SNAPC2: variants seen among roughly 807,000 people sequenced by gnomAD.
The protein encoded by SNAPC2 is small nuclear RNA activating complex polypeptide 2.
In SNAPC2, 27 loss-of-function variants were observed where a neutral mutation model predicts 22.9. The ratio of observed to expected loss-of-function variants is 1.18; its 90% CI spans 0.87 to 1.63. SNAPC2 has a LOEUF of 1.63. SNAPC2 is among the 40% of genes most tolerant of loss of function. The pLI is 0.00. For missense variants in SNAPC2, 570 were observed against 449.1 expected (o/e 1.27, Z -2.43); for synonymous variants, 272 against 201.0 (o/e 1.35, Z -2.99).
Position 7,922,890 on chromosome 19 carries a change from G to A in SNAPC2, c.*126G>A. The A allele has an allele frequency of 1.3e-6, 1 of 767,684 alleles. No homozygotes were observed. The highest frequency in any genetic ancestry group is 2.6e-5 in the East Asian group (1 of 37,882). The allele number at this position is 767,684 out of a possible 1,614,324, so 47.6% of individuals were successfully genotyped here. A position where few individuals can be genotyped will look rare whatever the true frequency, so the allele number is the denominator to read the frequency against. ...GTCCTTGAGATGATGCTCAGCTGTG[G>A]GGCGGGCCTCTAAGATGCCCCATAC... is the stretch of plus-strand genomic sequence containing the variant. On this transcript the variant is annotated 3_prime_UTR_variant, in exon 5 of 5. Coordinates refer to ENST00000221573, the MANE Select transcript of SNAPC2 (RefSeq NM_003083.4).
intron 1 of SNAPC2, 59 bp from the exon 2 acceptor site, chr19:7,921,364 T>C (rs1983563783): frequency 2.5e-6 from 4 of 1,612,276 alleles, no homozygotes; most frequent in Non-Finnish European, 3.4e-6. Flanking sequence ...GGGCTTTGGC[T>C]TCTCTGCTGC....
Position 7,921,747 on chromosome 19 carries a change from G to T in SNAPC2, c.346G>T (p.Glu116Ter). ...LAEKITGPLE[E>*]ALAVAFSQVL... The stretch of plus-strand genomic sequence containing the variant: ...TGAGAAGATAACAGGGCCACTGGAA[G>T]AAGCCCTGGCAGTGGCTTTCTCGCA... The change falls in exon 3 of 5, where the codon GAA (glutamate) becomes TAA (stop). Residue 116 changes from glutamate (E) to a stop codon, truncating the protein, a stop_gained. Coordinates refer to ENST00000221573, the MANE Select transcript of SNAPC2 (RefSeq NM_003083.4). LOFTEE classifies it high-confidence loss of function. 6.2e-7 allele frequency: 1 copy of T among 1,613,630 alleles called. No homozygotes were observed. The highest frequency in any genetic ancestry group is 1.1e-5 in the South Asian group (1 of 90,960).
At chr19:7,921,914 C>A in intron 3 of SNAPC2, 121 bp from the exon 4 acceptor site, 2 of 1,381,540 alleles carry the variant, frequency 1.4e-6, no homozygotes, top group Non-Finnish European at 1.0e-6. Flanking sequence ...CTCAGTGTCC[C>A]TGGCTCTGAG....
At chr19:7,920,698 A>T in intron 1 of SNAPC2, 149 bp downstream of exon 1, 50 of 102,722 alleles carry the variant, frequency 4.9e-4, no homozygotes, top group East Asian at 1.1e-3. Flanking sequence ...GCGGGGCGTT[A>T]GTGGGTGAGC....
At chr19:7,921,862 T>G (rs1436407450) in intron 3 of SNAPC2, 89 bp downstream of exon 3, 21 of 1,468,940 alleles carry the variant, frequency 1.4e-5, no homozygotes, top group South Asian at 1.4e-4. Context: ...TGGGCCCTTT[T>G]GCCAGCTCTG....
rs781346651 is a variant in SNAPC2, at chr19:7,922,089, A to G, written c.427A>G (p.Lys143Glu). 10 of 1,613,662 alleles carry G rather than the reference A, an allele frequency of 6.2e-6. No homozygotes were observed. In the South Asian group the frequency reaches 9.9e-5, roughly 16 times the overall value. ...CACCCTCCTGCACTCCAAGCCCCCC[A>G]AGCCCACGCAGGCCCGTGGAAAGCC... The part of the protein sequence containing the change: ...PVTLLHSKPP[K>E]PTQARGKPLL... Residue 143 changes from lysine to glutamate, a missense_variant, in exon 4 of 5, where the codon AAG becomes GAG. By Grantham distance (56) the Lys-to-Glu change is moderately conservative. Coordinates refer to ENST00000221573, the MANE Select transcript of SNAPC2 (RefSeq NM_003083.4).
intron 3 of SNAPC2, 79 bp downstream of exon 3, chr19:7,921,852 T>C: frequency 2.0e-6 from 3 of 1,500,692 alleles, no homozygotes; most frequent in Non-Finnish European, 2.8e-6. Flanking sequence ...ACCTGGGTCC[T>C]GGGCCCTTTT....
rs1353231054 is a variant in SNAPC2 at position 7,922,525 on chromosome 19, A to G, written c.766A>G (p.Met256Val). 6.2e-6 allele frequency: 10 copies of G among 1,612,088 alleles called. No individual in the cohort carries two copies. The South Asian group carries it at 6.6e-5, about 11-fold the overall frequency. The change falls in exon 5 of 5, where the codon ATG becomes GTG. Residue 256 changes from methionine to valine, a missense_variant. Physicochemically the swap from Met to Val is conservative, Grantham distance 21. Transcript: ENST00000221573. Reference protein sequence around the residue: ...LLPCTALVEHMTETYLRLTAP... With the variant: ...LLPCTALVEHVTETYLRLTAP... ...GCCCTGCACAGCCCTGGTTGAGCAT[A>G]TGACGGAGACGTACCTACGCCTGAC...
In SNAPC2 at chr19:7,922,699, T is replaced by G. The variant is rs199925610; in HGVS notation, c.940T>G (p.Cys314Gly). ...LKSPWQAAGI[C>G]PLNPFLVPLE... ...ATCGCCTTGGCAAGCAGCTGGGATC[T>G]GTCCCCTGAACCCGTTCCTGGTGCC... The change falls in exon 5 of 5, where the codon TGT becomes GGT. Residue 314 changes from cysteine (C) to glycine (G), a missense_variant. Physicochemically the swap from Cys to Gly is radical, Grantham distance 159. Coordinates refer to ENST00000221573, the MANE Select transcript of SNAPC2 (RefSeq NM_003083.4). 7 of 1,612,524 alleles carry G rather than the reference T, an allele frequency of 4.3e-6. No homozygotes were observed. The highest frequency in any genetic ancestry group is 5.9e-6 in the Non-Finnish European group (7 of 1,179,476).
Position 7,922,203 on chromosome 19 carries a change from A to G in SNAPC2, c.541A>G (p.Thr181Ala), listed in dbSNP as rs1448353005. 9 of 1,613,682 alleles carry G rather than the reference A, an allele frequency of 5.6e-6. No individual in the cohort carries two copies. The highest frequency in any genetic ancestry group is 7.6e-6 in the Non-Finnish European group (9 of 1,179,924). Residue 181 changes from threonine (T) to alanine (A), a missense_variant, in exon 4 of 5, where the codon ACT becomes GCT. By Grantham distance (58) the Thr-to-Ala change is moderately conservative (BLOSUM62 0). Transcript: ENST00000221573. Reference sequence around the variant, plus strand: ...TGCTGCACCTAGCTCCGCACCCAGGACTCCTGACCCTGCCCCTGAGAAACC... The same window carrying G: ...TGCTGCACCTAGCTCCGCACCCAGGGCTCCTGACCCTGCCCCTGAGAAACC... ...APAAPSSAPR[T>A]PDPAPEKPSE...
intron 1 of SNAPC2, 25 bp downstream of exon 1, chr19:7,920,574 A>G: frequency 1.0e-6 from 1 of 997,050 alleles, no homozygotes. Flanking sequence ...TCGGGACCGG[A>G]GCCAGGCTGG....
At chr19:7,921,872 G>T in intron 3 of SNAPC2, 99 bp downstream of exon 3, 1 of 1,418,674 alleles carries the variant, frequency 7.0e-7, no homozygotes, top group South Asian at 1.2e-5. Context: ...TGCCAGCTCT[G>T]TGGACTCCGT....
In SNAPC2 at chr19:7,921,534, C is replaced by T; in HGVS notation, c.295C>T (p.Pro99Ser). 4 of 1,612,480 alleles carry T rather than the reference C, an allele frequency of 2.5e-6. No homozygotes were observed. Among genetic ancestry groups the T allele is most frequent in the Non-Finnish European group, 3.4e-6 (4 of 1,179,248 alleles). ...GCGCCGGGAGGCACAGCCCCCAGCC[C>T]CCATAGAGGTGAGGCAGATGAACAG... ...PRRREAQPPA[P>S]IEVWTDLAEK... The change falls in exon 2 of 5, where the codon CCC becomes TCC. Residue 99 changes from proline (P) to serine (S), a missense_variant. Pro to Ser is a moderately conservative substitution (Grantham distance 74). Coordinates refer to ENST00000221573, the MANE Select transcript of SNAPC2 (RefSeq NM_003083.4).
chr19:7,921,648 T>G, intron 2 of SNAPC2, 57 bp from the exon 3 acceptor site: 1 of 1,608,964 alleles, frequency 6.2e-7, no homozygotes, highest in Non-Finnish European at 8.5e-7. Flanking sequence ...GAGCAGGGCT[T>G]GGGGGGCCAT....
chr19:7,921,605 C>T (rs572628305), intron 2 of SNAPC2, 63 bp downstream of exon 2: 28 of 1,601,376 alleles, frequency 1.7e-5, no homozygotes, highest in African/African-American at 9.4e-5. Flanking sequence ...GTGGGAGTTG[C>T]GGGGGATAAC....
At chr19:7,921,864 C>T (rs1322993098) in intron 3 of SNAPC2, 91 bp downstream of exon 3, 4 of 1,460,182 alleles carry the variant, frequency 2.7e-6, no homozygotes, top group East Asian at 4.5e-5. Flanking sequence ...GGCCCTTTTG[C>T]CAGCTCTGTG....
In SNAPC2 at chr19:7,920,540, C is replaced by T. The variant is rs1412510363; in HGVS notation, c.174C>T (p.Ser58=). The change falls in exon 1 of 5, where the codon AGC becomes AGT. Residue 58 remains serine, a synonymous_variant. Transcript: ENST00000221573. The part of the protein sequence containing the change: ...TELARELRGR[S]EAEIRVFLQQ... ...TGGCCCGGGAGCTGCGGGGCCGGAG[C>T]GAGGCTGAGGTGAGATGCGGTTCTC... The T allele has an allele frequency of 2.9e-6, 4 of 1,403,062 alleles. No homozygotes were observed. In the South Asian group the frequency reaches 5.8e-5, roughly 20 times the overall value. The allele number at this position is 1,403,062 out of a possible 1,614,324, so 86.9% of individuals were successfully genotyped here. A position where few individuals can be genotyped will look rare whatever the true frequency, so the allele number is the denominator to read the frequency against.
rs758129719 is a variant in SNAPC2 at position 7,922,465 on chromosome 19, C to G, written c.706C>G (p.Leu236Val). 13 of 1,594,318 alleles carry G rather than the reference C, an allele frequency of 8.2e-6. No individual in the cohort carries two copies. The highest frequency in any genetic ancestry group is 1.1e-5 in the Non-Finnish European group (13 of 1,167,764). Residue 236 changes from leucine to valine, a missense_variant, in exon 5 of 5, where the codon CTG becomes GTG. Transcript: ENST00000221573. The part of the protein sequence containing the change: ...SAAESAVVLD[L>V]LMSLPEELPL... ...ACTAGAGTCCGCTGTGGTCCTCGAC[C>G]TGCTCATGTCACTTCCAGAGGAGCT...
Position 7,922,444 on chromosome 19 carries a change from G to A in SNAPC2, c.686-1G>A. Reference sequence around the variant, plus strand: ...TACCCCTCTCCTCCATCCATCACTAGAGTCCGCTGTGGTCCTCGACCTGCT... The same window carrying A: ...TACCCCTCTCCTCCATCCATCACTAAAGTCCGCTGTGGTCCTCGACCTGCT... On this transcript the variant is annotated splice_acceptor_variant, in intron 4 of 4. Coordinates refer to ENST00000221573, the MANE Select transcript of SNAPC2 (RefSeq NM_003083.4). LOFTEE classifies it high-confidence loss of function. The A allele has an allele frequency of 6.3e-7, 1 of 1,585,020 alleles. No individual in the cohort carries two copies. Among genetic ancestry groups the A allele is most frequent in the Non-Finnish European group, 8.6e-7 (1 of 1,163,284 alleles).
Sources: gnomAD v4.1 joint callset for allele counts on GRCh38, gnomAD v4.1.1 for gene constraint, MANE v1.5 for transcripts, NCBI Gene and HGNC (gene_info 2026-07-23, HGNC 2026-07-21) for gene names.